Variants in SSX7 observed in about 807,000 individuals in gnomAD.
SSX7 encodes the protein protein SSX7.
A neutral mutation model predicts 14.7 loss-of-function variants in SSX7; 15 were observed. The observed-to-expected ratio is 1.02, with a 90% confidence interval of 0.68 to 1.58. SSX7 has a LOEUF of 1.58. Among genes scored for constraint, SSX7 ranks in the 40% most tolerant of loss-of-function variants. The pLI is 0.00. For synonymous variants in SSX7, 46 were observed against 50.6 expected, an observed-to-expected ratio of 0.91 and a Z score of 0.38; for missense variants, 178 against 146.8, an observed-to-expected ratio of 1.21 and a Z score of -1.10.
In SSX7 at chrX:52,652,130, T is replaced by C. The variant is rs1925452689; in HGVS notation, c.280+122A>G. Reference sequence around the variant, plus strand: ...GTTAACTTTCTGCATGCAATTTTTTTTTTTTTCACTCAGCCCTGATGTGTA... The same window carrying C: ...GTTAACTTTCTGCATGCAATTTTTTCTTTTTTCACTCAGCCCTGATGTGTA... On this transcript the variant is annotated intron_variant, in intron 4 of 7. Transcript: ENST00000298181. The C allele has an allele frequency of 1.1e-5, 6 of 536,615 alleles. No homozygotes were observed. The East Asian group carries it at 2.1e-4, about 19-fold the overall frequency. The allele number at this position is 536,615 out of a possible 1,213,427, so 44.2% of individuals were successfully genotyped here.
intron 3 of SSX7, among the ~76,000 whole-genome samples, chrX:52,652,642 C>T (rs1182549889): frequency 1.8e-5 from 2 of 110,647 alleles, no homozygotes; most frequent in Non-Finnish European, 3.8e-5. Flanking sequence ...GAACAGAAGC[C>T]TAAGGGAGAG....
intron 5 of SSX7, 79 bp downstream of exon 5, chrX:52,650,274 T>A: frequency 8.8e-7 from 1 of 1,137,918 alleles, no homozygotes. Context: ...GCATTTTTTA[T>A]ATTCTCCCAC....
At chrX:52,649,575 A>G (rs1334962991) in intron 5 of SSX7, among the ~76,000 whole-genome samples, 2 of 111,869 alleles carry the variant, frequency 1.8e-5, no homozygotes, top group Non-Finnish European at 3.8e-5. Context: ...GGGGCCTCCG[A>G]GGGATCCCCT....
chrX:52,652,723 G>A (rs1296362383), intron 3 of SSX7, 147 bp downstream of exon 3: 32 of 539,715 alleles, frequency 5.9e-5, no homozygotes, highest in Non-Finnish European at 9.3e-5. Flanking sequence ...GGATACAGAA[G>A]AGGAGAACAC....
intron 1 of SSX7, among the ~76,000 whole-genome samples, chrX:52,654,364 G>GTTTTGT (rs1556767485): frequency 2.1e-4 from 13 of 60,944 alleles, no homozygotes; most frequent in Non-Finnish European, 3.6e-4. Context: ...ATTTGAGTGA[G>GTTTTGT]TTTTTTTTTT....
At position 52,645,340 on chromosome X, in the gene SSX7, C is replaced by T. The variant is rs1357951818; in HGVS notation, c.*4+99G>A. On this transcript the variant is annotated intron_variant, in intron 7 of 7. Transcript: ENST00000298181. ...TGCTGTACCCTAGAAAATTATGAGA[C>T]GGGAATGATTTGGGGAGCAAGTGAC... is the stretch of plus-strand genomic sequence containing the variant. The T allele has an allele frequency of 1.4e-5, 17 of 1,193,032 alleles. No individual in the cohort carries two copies. The Admixed American group carries it at 2.7e-4, about 19-fold the overall frequency.
rs1925209703 is a variant in SSX7, at chrX:52,645,444, T to C, written c.566A>G (p.Ter189=). 1.7e-6 allele frequency: 2 copies of C among 1,189,767 alleles called. No homozygotes were observed. Among genetic ancestry groups the C allele is most frequent in the Non-Finnish European group, 2.3e-6 (2 of 881,054 alleles). Residue 189 remains the stop codon, a stop_retained_variant, in exon 7 of 8, where the codon TAA becomes TGA. Transcript: ENST00000298181. ...TGAGCCGAAGGTTCACTTACGGAGT[T>C]ACTCGTCGTCTTCTTCAGGGTCGCT... The part of the protein sequence containing the change: ...EISDPEEDDE[*]
At chrX:52,647,146 C>T (rs1925277146) in intron 6 of SSX7, among the ~76,000 whole-genome samples, 1 of 112,054 alleles carries the variant, frequency 8.9e-6, no homozygotes, top group South Asian at 3.7e-4. Context: ...TCTTCCAGTC[C>T]ATGAAAGCTG....
At chrX:52,645,347 G>A in intron 7 of SSX7, 92 bp downstream of exon 7, 1 of 1,201,872 alleles carries the variant, frequency 8.3e-7, no homozygotes. Flanking sequence ...AGACGGGAAT[G>A]ATTTGGGGAG....
At chrX:52,648,592 G>A in intron 5 of SSX7, among the ~76,000 whole-genome samples, 196 bp from the exon 6 acceptor site, 1 of 111,704 alleles carries the variant, frequency 9.0e-6, no homozygotes, top group Admixed American at 9.6e-5. Context: ...CGTTTCCAGG[G>A]CTAGAATGCT....
chrX:52,647,129 A>C (rs150016590), intron 6 of SSX7, among the ~76,000 whole-genome samples: 2,242 of 112,419 alleles, frequency 0.02, 30 homozygotes, highest in Middle Eastern at 0.088. Context: ...GAGCAAGACC[A>C]GAACTCTCTT....
chrX:52,653,668 C>T (rs1403797998), intron 1 of SSX7, among the ~76,000 whole-genome samples, 176 bp from the exon 2 acceptor site: 3 of 110,235 alleles, frequency 2.7e-5, no homozygotes, highest in Non-Finnish European at 5.7e-5. Flanking sequence ...AAATAGGGAA[C>T]CAGGGGTCTC....
chrX:52,644,852 G>A (rs1403451166), intron 7 of SSX7, among the ~76,000 whole-genome samples, 182 bp from the exon 8 acceptor site: 5 of 111,416 alleles, frequency 4.5e-5, no homozygotes, highest in East Asian at 5.7e-4. Context: ...TGACTTCTTC[G>A]CCTGGGTTAT....
chrX:52,647,192 G>A (rs1250472350), intron 6 of SSX7, among the ~76,000 whole-genome samples: 1 of 112,043 alleles, frequency 8.9e-6, no homozygotes, highest in Non-Finnish European at 1.9e-5. Context: ...AATGTGTGAA[G>A]CTAGCAGAGG....
chrX:52,650,328 T>C, intron 5 of SSX7, 25 bp downstream of exon 5: 1 of 1,206,154 alleles, frequency 8.3e-7, no homozygotes, highest in Non-Finnish European at 1.1e-6. Flanking sequence ...GGTTCTCTGG[T>C]CCTTTAGATC....
In SSX7 at chrX:52,645,144, A is replaced by G. The variant is rs782454027; in HGVS notation, c.*4+295T>C. ...AAATTACCCGGGCGTGGTGGCGGGC[A>G]CTTGTAGTCCCAGCTACTGGAGAGG... On this transcript the variant is annotated intron_variant, in intron 7 of 7. Coordinates refer to ENST00000298181, the MANE Select transcript of SSX7 (RefSeq NM_173358.2). 7.4e-3 allele frequency among the ~76,000 whole-genome samples: 811 copies of G among 110,104 alleles called. 5 individuals are homozygous for G. Among genetic ancestry groups the G allele is most frequent in the African/African-American group, 0.025 (756 of 30,300 alleles).
intron 2 of SSX7, 61 bp downstream of exon 2, chrX:52,653,343 A>C: frequency 8.3e-7 from 1 of 1,210,181 alleles, no homozygotes; most frequent in Admixed American, 2.2e-5. Flanking sequence ...CCCTCCTCAG[A>C]AACTTGGCCA....
intron 4 of SSX7, among the ~76,000 whole-genome samples, chrX:52,651,871 A>G (rs1200459771): frequency 9.0e-6 from 1 of 110,732 alleles, no homozygotes; most frequent in Admixed American, 9.7e-5. Flanking sequence ...GTGAAACTCC[A>G]TCTCAAAAAC....
At chrX:52,654,365 T>TTTG (rs1491587060) in intron 1 of SSX7, among the ~76,000 whole-genome samples, 4 of 676 alleles carry the variant, frequency 5.9e-3, no homozygotes, top group Non-Finnish European at 0.02. Flanking sequence ...TTTGAGTGAG[T>TTTG]TTTTTTTTTT....
Sources: gnomAD v4.1 joint callset for allele counts (sites outside exome capture counted in the v4.1 genomes callset) on GRCh38, gnomAD v4.1.1 for gene constraint, MANE v1.5 for transcripts, NCBI Gene and HGNC (gene_info 2026-07-23, HGNC 2026-07-21) for gene names.